Variants in CLSTN2 observed in about 807,000 individuals in gnomAD.
CLSTN2 encodes the protein calsyntenin 2, also known as calsyntenin-2.
Under a neutral mutation model 101.2 loss-of-function variants are expected in CLSTN2, and 48 were observed. The observed-to-expected ratio is 0.47, with a 90% CI of 0.38 to 0.60. The LOEUF (loss-of-function observed/expected upper bound fraction) is 0.60. Ranked by LOEUF, CLSTN2 falls within the 20% of genes least tolerant of loss-of-function variation. The pLI, the probability that CLSTN2 is intolerant of heterozygous loss-of-function variation, is 0.00. For missense variants in CLSTN2, 1,160 were observed against 1,238.2 expected (o/e 0.94, Z 0.95); for synonymous variants, 481 against 463.6 (o/e 1.04, Z -0.48).
At chr3:140,101,482 C>G (rs1237286924) in intron 1 of CLSTN2, among the ~76,000 whole-genome samples, 1 of 152,174 alleles carries the variant, frequency 6.6e-6, no homozygotes, top group African/African-American at 2.4e-5. Flanking sequence ...TTATATGCCT[C>G]TTTCTCATGG....
chr3:139,994,620 G>A (rs750091161), intron 1 of CLSTN2, among the ~76,000 whole-genome samples: 1 of 152,132 alleles, frequency 6.6e-6, no homozygotes. Flanking sequence ...CAGTTCCCTT[G>A]ATAGGACTGC....
chr3:140,468,175 C>T (rs1487340400), intron 8 of CLSTN2, among the ~76,000 whole-genome samples: 1 of 152,166 alleles, frequency 6.6e-6, no homozygotes. Flanking sequence ...TATTTTATTT[C>T]TCAGCAACCT....
Position 140,503,180 on chromosome 3 carries a change from G to A in CLSTN2, c.1345-29144G>A, listed in dbSNP as rs1425371741. Reference sequence around the variant, plus strand: ...CATTGGACCCACCTAAATGGTCCAGGATACTCTCCCCATCTCAAGATTCTT... The same window carrying A: ...CATTGGACCCACCTAAATGGTCCAGAATACTCTCCCCATCTCAAGATTCTT... On this transcript the variant is annotated intron_variant, in intron 8 of 16. Transcript: ENST00000458420. Among the ~76,000 whole-genome samples the A allele has an allele frequency of 3.3e-5, 5 of 152,130 alleles. No homozygotes were observed. In the East Asian group the frequency reaches 7.7e-4, roughly 23 times the overall value.
intron 1 of CLSTN2, among the ~76,000 whole-genome samples, chr3:139,992,136 A>G (rs1310465252): frequency 1.3e-5 from 2 of 152,180 alleles, no homozygotes; most frequent in African/African-American, 4.8e-5. Flanking sequence ...AGCAACTGGG[A>G]AGAAGGTATC....
intron 5 of CLSTN2, among the ~76,000 whole-genome samples, chr3:140,437,517 T>G (rs1173748907): frequency 1.3e-5 from 2 of 152,228 alleles, no homozygotes; most frequent in Admixed American, 6.5e-5. Context: ...GCTCTCAGCC[T>G]CCTTGGGTTT....
At chr3:140,493,333 A>C (rs1388024319) in intron 8 of CLSTN2, among the ~76,000 whole-genome samples, 2 of 152,244 alleles carry the variant, frequency 1.3e-5, no homozygotes, top group African/African-American at 4.8e-5. Flanking sequence ...AGGCTTTGAA[A>C]GGATGTCTTT....
intron 8 of CLSTN2, among the ~76,000 whole-genome samples, chr3:140,470,349 G>A (rs202006394): frequency 6.6e-6 from 1 of 152,384 alleles, no homozygotes; most frequent in East Asian, 1.9e-4. Context: ...GATCAGGGGA[G>A]TCTGTGGAAG....
At chr3:140,439,009 G>A (rs1325308125) in intron 5 of CLSTN2, among the ~76,000 whole-genome samples, 9 of 152,200 alleles carry the variant, frequency 5.9e-5, no homozygotes, top group Admixed American at 2.6e-4. Flanking sequence ...GACAGCCAGG[G>A]TAAAAGGAAA....
chr3:140,179,637 A>AC (rs1476858564), intron 2 of CLSTN2, among the ~76,000 whole-genome samples: 6 of 149,064 alleles, frequency 4.0e-5, no homozygotes, highest in Non-Finnish European at 8.9e-5. Flanking sequence ...AAAAAAAAAA[A>AC]AAAAAAAAAA....
chr3:140,455,319 T>C (rs552615119), intron 6 of CLSTN2, among the ~76,000 whole-genome samples: 9 of 152,298 alleles, frequency 5.9e-5, no homozygotes, highest in African/African-American at 1.9e-4. Context: ...ACTCTTGCCA[T>C]AGGCTCCCTG....
At chr3:140,417,098 C>A (rs1351268769) in intron 4 of CLSTN2, among the ~76,000 whole-genome samples, 1 of 152,130 alleles carries the variant, frequency 6.6e-6, no homozygotes, top group Non-Finnish European at 1.5e-5. Flanking sequence ...CATTGTTTGC[C>A]AAATTTTCAA....
At chr3:140,049,407 T>A (rs1004255119) in intron 1 of CLSTN2, among the ~76,000 whole-genome samples, 1 of 152,232 alleles carries the variant, frequency 6.6e-6, no homozygotes, top group Non-Finnish European at 1.5e-5. Flanking sequence ...ATCTTTAGAT[T>A]AGAAATATTA....
At chr3:140,213,021 T>G (rs566315666) in intron 2 of CLSTN2, among the ~76,000 whole-genome samples, 2 of 152,330 alleles carry the variant, frequency 1.3e-5, no homozygotes, top group South Asian at 4.1e-4. Flanking sequence ...GGCAAATAAA[T>G]GAACCCATCA....
intron 2 of CLSTN2, among the ~76,000 whole-genome samples, chr3:140,395,517 C>A (rs1406119025): frequency 6.6e-6 from 1 of 152,208 alleles, no homozygotes; most frequent in East Asian, 1.9e-4. Flanking sequence ...TGGAACTCAG[C>A]AGGGCCTGTC....
intron 2 of CLSTN2, among the ~76,000 whole-genome samples, chr3:140,236,086 G>A (rs2086414775): frequency 6.6e-6 from 1 of 152,052 alleles, no homozygotes; most frequent in Non-Finnish European, 1.5e-5. Context: ...CACAGATTTG[G>A]AATTGGTGAT....
chr3:140,157,856 A>T (rs2009981018), intron 1 of CLSTN2, among the ~76,000 whole-genome samples: 1 of 152,240 alleles, frequency 6.6e-6, no homozygotes, highest in African/African-American at 2.4e-5. Context: ...GGCTGGTTCA[A>T]TATACACAAA....
intron 1 of CLSTN2, among the ~76,000 whole-genome samples, chr3:140,064,273 A>G (rs1560084021): frequency 6.6e-6 from 1 of 152,202 alleles, no homozygotes; most frequent in Non-Finnish European, 1.5e-5. Flanking sequence ...GGGAGCGTCT[A>G]CTTATGCAAA....
At chr3:140,109,396 C>A (rs1259679739) in intron 1 of CLSTN2, among the ~76,000 whole-genome samples, 1 of 152,122 alleles carries the variant, frequency 6.6e-6, no homozygotes, top group Non-Finnish European at 1.5e-5. Context: ...CCGAACCATG[C>A]CCTTAGAAGC....
chr3:140,148,376 T>C (rs911925182), intron 1 of CLSTN2, among the ~76,000 whole-genome samples: 2 of 152,242 alleles, frequency 1.3e-5, no homozygotes, highest in African/African-American at 4.8e-5. Context: ...AAAGCAGTTC[T>C]TTATGTTCAA....
Sources: gnomAD v4.1 joint callset for allele counts (sites outside exome capture counted in the v4.1 genomes callset) on GRCh38, gnomAD v4.1.1 for gene constraint, MANE v1.5 for transcripts, NCBI Gene and HGNC (gene_info 2026-07-23, HGNC 2026-07-21) for gene names.